Variants in MTIF2 observed in about 807,000 individuals in gnomAD.
MTIF2 encodes the protein mitochondrial translational initiation factor 2.
MTIF2 carries 71 observed loss-of-function variants against 83.5 expected under a neutral mutation model. The observed-to-expected ratio is 0.85, with a 90% confidence interval of 0.70 to 1.04. MTIF2 has a LOEUF of 1.04. Ranked by LOEUF, MTIF2 falls within the 50% of genes least tolerant of loss-of-function variation. MTIF2 has a pLI of 0.00. For synonymous variants in MTIF2, 319 were observed against 287.1 expected, an observed-to-expected ratio of 1.11 and a Z score of -1.12; for missense variants, 957 against 846.5, an observed-to-expected ratio of 1.13 and a Z score of -1.62.
At chr2:55,242,045 G>C (rs1202916314) in intron 13 of MTIF2, among the ~76,000 whole-genome samples, 1 of 151,536 alleles carries the variant, frequency 6.6e-6, no homozygotes, top group Non-Finnish European at 1.5e-5. Flanking sequence ...ACTCGGTGGG[G>C]GCTGTGGCAG....
At chr2:55,263,919 T>C in intron 3 of MTIF2, 54 bp from the exon 4 acceptor site, 6 of 1,331,702 alleles carry the variant, frequency 4.5e-6, no homozygotes, top group South Asian at 1.2e-5. Context: ...TAGCAAATAT[T>C]AATTGGATAT....
intron 13 of MTIF2, among the ~76,000 whole-genome samples, chr2:55,240,511 G>A (rs779468972): frequency 5.3e-5 from 8 of 152,036 alleles, no homozygotes; most frequent in Non-Finnish European, 8.8e-5. Context: ...CCCGGGAGGC[G>A]GAGGTTGCAG....
intron 10 of MTIF2, 139 bp downstream of exon 10, chr2:55,246,198 A>G (rs948160601): frequency 1.9e-6 from 2 of 1,046,830 alleles, no homozygotes; most frequent in Middle Eastern, 4.4e-4. Flanking sequence ...CAAACAATAA[A>G]ATACTTTTTA....
At chr2:55,254,596 G>C in intron 6 of MTIF2, 58 bp downstream of exon 6, 1 of 1,342,112 alleles carries the variant, frequency 7.5e-7, no homozygotes, top group Non-Finnish European at 9.9e-7. Flanking sequence ...ATTAAAAAGT[G>C]TAAATATAAC....
At position 55,244,212 on chromosome 2, in the gene MTIF2, A is replaced by AATT; in HGVS notation, c.1125_1127dup (p.Ile376dup). 6.2e-7 allele frequency: 1 copy of AATT among 1,613,630 alleles called. No homozygotes were observed. Among genetic ancestry groups the AATT allele is most frequent in the Non-Finnish European group, 8.5e-7 (1 of 1,179,580 alleles). ...AGCCTTTTCTTAAAGTTCCTCTTTGAATTATAGCTGTAGTAACAAGACTAA... is the reference window on the plus strand; with the variant it reads ...AGCCTTTTCTTAAAGTTCCTCTTTGAATTATTATAGCTGTAGTAACAAGACTAA... On this transcript the variant is annotated inframe_insertion, in exon 11 of 16. Transcript: ENST00000263629.
Position 55,243,596 on chromosome 2 carries a change from T to C in MTIF2, c.1384A>G (p.Ile462Val), listed in dbSNP as rs768127035. 3 of 1,614,120 alleles carry C rather than the reference T, an allele frequency of 1.9e-6. No individual in the cohort carries two copies. The South Asian group carries it at 3.3e-5, about 18-fold the overall frequency. ...TGTTCCTTTCGCTTTTCTTCTATTA[T>C]TTTCAGATCCTCCTGACCTTTCTCC... ...EQEKGQEDLK[I>V]IEEKRKEHKE... Residue 462 changes from isoleucine to valine, a missense_variant, in exon 12 of 16, where the codon ATA (isoleucine) becomes GTA (valine). Coordinates refer to ENST00000263629, the MANE Select transcript of MTIF2 (RefSeq NM_002453.3).
intron 15 of MTIF2, 26 bp from the exon 16 acceptor site, chr2:55,236,846 T>C: frequency 6.6e-7 from 1 of 1,513,330 alleles, no homozygotes; most frequent in South Asian, 1.3e-5. Flanking sequence ...TTAAGGTTAG[T>C]ATATTCAATA....
chr2:55,265,188 A>G (rs1558585687), intron 3 of MTIF2, among the ~76,000 whole-genome samples: 1 of 151,220 alleles, frequency 6.6e-6, no homozygotes, highest in Non-Finnish European at 1.5e-5. Context: ...GGTTGCAGTG[A>G]GCCGAGATCA....
Position 55,236,825 on chromosome 2 carries a change from A to C in MTIF2, c.2012-5T>G. 2.5e-6 allele frequency: 4 copies of C among 1,573,690 alleles called. No individual in the cohort carries two copies. The highest frequency in any genetic ancestry group is 3.4e-6 in the Non-Finnish European group (4 of 1,166,620). ...GTTTCAATGAGGTTAATGAGCCTTA[A>C]AAAAGATAATTTAAGGTTAGTATAT... On this transcript the variant is annotated splice_polypyrimidine_tract_variant and splice_region_variant and intron_variant, in intron 15 of 15. Transcript: ENST00000263629.
At chr2:55,237,678 T>A in intron 14 of MTIF2, among the ~76,000 whole-genome samples, 1 of 121,626 alleles carries the variant, frequency 8.2e-6, no homozygotes, top group Admixed American at 1.1e-4. Context: ...TGAGACAGAG[T>A]CTCACTCTGT....
chr2:55,258,548 A>G (rs1233834450), intron 5 of MTIF2, among the ~76,000 whole-genome samples: 1 of 152,230 alleles, frequency 6.6e-6, no homozygotes, highest in East Asian at 1.9e-4. Flanking sequence ...GCAGTAGCTC[A>G]CGTCTGTAAT....
At chr2:55,248,051 A>G (rs1676831939) in intron 9 of MTIF2, among the ~76,000 whole-genome samples, 1 of 152,088 alleles carries the variant, frequency 6.6e-6, no homozygotes, top group Non-Finnish European at 1.5e-5. Flanking sequence ...CCACCAAGCC[A>G]GGCTAATTTT....
intron 14 of MTIF2, among the ~76,000 whole-genome samples, chr2:55,239,574 T>A (rs868856390): frequency 1.3e-5 from 2 of 152,180 alleles, no homozygotes; most frequent in South Asian, 4.1e-4. Flanking sequence ...ATATACTCAG[T>A]CTTTACTCTG....
At chr2:55,256,062 A>G (rs910847961) in intron 5 of MTIF2, among the ~76,000 whole-genome samples, 4 of 152,168 alleles carry the variant, frequency 2.6e-5, no homozygotes, top group Non-Finnish European at 5.9e-5. Context: ...TTTTTTGTAG[A>G]CAGGGTTTCA....
At chr2:55,237,610 A>C (rs58207828) in intron 14 of MTIF2, among the ~76,000 whole-genome samples, 182 bp from the exon 15 acceptor site, 11,359 of 151,374 alleles carry the variant, frequency 0.075, 1,389 homozygotes, top group African/African-American at 0.26. Flanking sequence ...AATAAAAATG[A>C]ATGAAAATCT....
rs368244847 is a variant in MTIF2 at position 55,254,736 on chromosome 2, C to G, written c.421G>C (p.Val141Leu). The change falls in exon 6 of 16, where the codon GTG becomes CTG. Residue 141 changes from valine (V) to leucine (L), a missense_variant. Physicochemically the swap from Val to Leu is conservative, Grantham distance 32 (BLOSUM62 1). Around this residue, in one of 3 missense-constraint regions of MTIF2, gnomAD observed 733 missense variants for 648.7 expected, o/e 1.13. Coordinates refer to ENST00000263629, the MANE Select transcript of MTIF2 (RefSeq NM_002453.3). The stretch of plus-strand genomic sequence containing the variant: ...AACTTCATCCCTGCCTTCGTTATCA[C>G]TTCTTTGATCCAGACTTCATCTAAA... Reference protein sequence around the residue: ...SHLDEVWIKEVITKAGMKLKW... With the variant: ...SHLDEVWIKELITKAGMKLKW... 182 of 1,611,230 alleles carry G rather than the reference C, an allele frequency of 1.1e-4. 1 individual carries two copies. In the South Asian group the frequency reaches 1.5e-3, roughly 13 times the overall value.
intron 9 of MTIF2, among the ~76,000 whole-genome samples, chr2:55,247,027 G>A (rs776214609): frequency 2.0e-5 from 3 of 151,976 alleles, no homozygotes; most frequent in Non-Finnish European, 4.4e-5. Context: ...ACCCAGCTGT[G>A]CAGCCTTTAA....
chr2:55,259,504 T>TAA (rs5831347), intron 5 of MTIF2, among the ~76,000 whole-genome samples: 2,156 of 145,112 alleles, frequency 0.015, 97 homozygotes, highest in Admixed American at 0.099. Flanking sequence ...GGGTAATGTT[T>TAA]AAAAAAAAAA....
Position 55,249,501 on chromosome 2 carries a change from T to C in MTIF2, c.875A>G (p.Lys292Arg). The C allele has an allele frequency of 6.2e-7, 1 of 1,614,120 alleles. No individual in the cohort carries two copies. The change falls in exon 9 of 16, where the codon AAA becomes AGA. Residue 292 changes from lysine to arginine, a missense_variant. Lys to Arg is a conservative substitution (Grantham distance 26). This residue lies in a region of MTIF2 where 733 missense variants were observed against 648.7 expected (regional missense o/e 1.13). Transcript: ENST00000263629. ...PIILAVNKCD[K>R]AEADPEKVKK... is the part of the protein sequence containing the mutation. ...CACTTTCTCAGGATCAGCCTCAGCT[T>C]TGTCACATTTATTTACGGCAAGGAT...
Sources: allele counts gnomAD v4.1 joint callset (sites outside exome capture counted in the v4.1 genomes callset), GRCh38; gene constraint gnomAD v4.1.1; regional missense constraint gnomAD v4.1.1; transcripts MANE v1.5; gene names NCBI Gene and HGNC (gene_info 2026-07-23, HGNC 2026-07-21).